Variants in ACSM2B observed in about 807,000 individuals in gnomAD.
ACSM2B encodes acyl-coenzyme A synthetase ACSM2B, mitochondrial.
Under a neutral mutation model 78.6 loss-of-function variants are expected in ACSM2B, and 58 were observed. The ratio of observed to expected loss-of-function variants is 0.74; its 90% CI spans 0.60 to 0.92. The LOEUF is 0.92. ACSM2B is among the 40% of genes least tolerant of loss of function. ACSM2B has a pLI of 0.00. For missense variants in ACSM2B, 688 were observed against 711.2 expected (o/e 0.97, Z 0.37); for synonymous variants, 257 against 256.8 (o/e 1.00, Z -0.01).
Position 20,561,177 on chromosome 16 carries a change from C to CA in ACSM2B, c.178-1731dup, listed in dbSNP as rs537828938. Among the ~76,000 whole-genome samples, 17 of 152,134 alleles carry CA rather than the reference C, an allele frequency of 1.1e-4. No homozygotes were observed. The East Asian group carries it at 2.1e-3, about 19-fold the overall frequency. On this transcript the variant is annotated intron_variant, in intron 2 of 13. Transcript: ENST00000329697. ...CATGCTAAGTGAAATTAGCCAGACA[C>CA]AAAAAACCAAATACTGTGTGATTTC...
intron 1 of ACSM2B, among the ~76,000 whole-genome samples, chr16:20,566,720 ATATACTATATATAG>A (rs2015887204): frequency 1.8e-5 from 1 of 56,088 alleles, no homozygotes; most frequent in African/African-American, 1.1e-4. Context: ...TATATATAGT[ATATACTATATATAG>A]TATATACTAT....
chr16:20,570,416 T>C (rs1287488775), intron 1 of ACSM2B, among the ~76,000 whole-genome samples: 3 of 152,044 alleles, frequency 2.0e-5, no homozygotes, highest in African/African-American at 7.2e-5. Flanking sequence ...GAAACCCACT[T>C]CATCATGGTG....
intron 2 of ACSM2B, among the ~76,000 whole-genome samples, chr16:20,561,409 CA>C (rs1340471185): frequency 1.3e-5 from 2 of 151,012 alleles, no homozygotes; most frequent in Non-Finnish European, 3.0e-5. Context: ...CATCACATGG[CA>C]AAAGCAGGAA....
chr16:20,561,463 C>T lies in ACSM2B; in HGVS notation c.178-2016G>A, dbSNP rs995273218. On this transcript the variant is annotated intron_variant, in intron 2 of 13. Coordinates refer to ENST00000329697, the MANE Select transcript of ACSM2B (RefSeq NM_001105069.2). ...GGAAGTGCCATGTATGTTAAAACAA[C>T]AAGATCTCTCATGAACTCACTCATA... is the stretch of plus-strand genomic sequence containing the variant. Among the ~76,000 whole-genome samples, 8 of 151,368 alleles carry T rather than the reference C, an allele frequency of 5.3e-5. No homozygotes were observed. The East Asian group carries it at 5.9e-4, about 11-fold the overall frequency.
intron 3 of ACSM2B, among the ~76,000 whole-genome samples, chr16:20,556,781 T>C (rs2015487321): frequency 6.6e-6 from 1 of 152,144 alleles, no homozygotes; most frequent in Non-Finnish European, 1.5e-5. Context: ...TTCTCTACCA[T>C]GGTGGTCAAT....
chr16:20,566,089 A>G (rs1052472784), intron 1 of ACSM2B, among the ~76,000 whole-genome samples: 1 of 143,260 alleles, frequency 7.0e-6, no homozygotes, highest in Admixed American at 7.1e-5. Context: ...CTATGTATGT[A>G]TTATATAGTA....
intron 1 of ACSM2B, among the ~76,000 whole-genome samples, chr16:20,565,903 T>A (rs1010009590): frequency 3.3e-5 from 5 of 151,894 alleles, no homozygotes; most frequent in Non-Finnish European, 5.9e-5. Flanking sequence ...CACTTATGGC[T>A]GAGAACATAT....
intron 1 of ACSM2B, among the ~76,000 whole-genome samples, chr16:20,569,965 T>A (rs1425499837): frequency 6.6e-6 from 1 of 151,718 alleles, no homozygotes; most frequent in Non-Finnish European, 1.5e-5. Context: ...TTTGGAGGAG[T>A]CTTTAAGGTC....
At chr16:20,549,271 C>G (rs893106467) in intron 6 of ACSM2B, among the ~76,000 whole-genome samples, 7 of 151,982 alleles carry the variant, frequency 4.6e-5, no homozygotes, top group African/African-American at 1.5e-4. Flanking sequence ...ACTGAGTACC[C>G]GAGACAGAGT....
intron 6 of ACSM2B, among the ~76,000 whole-genome samples, chr16:20,551,803 C>T (rs2015317654): frequency 1.3e-5 from 2 of 152,126 alleles, no homozygotes; most frequent in South Asian, 4.1e-4. Flanking sequence ...GAGATGGCAT[C>T]CCCTCCAATA....
At chr16:20,542,566 T>G (rs540147889) in intron 12 of ACSM2B, 4 of 282,142 alleles carry the variant, frequency 1.4e-5, no homozygotes, top group Admixed American at 4.7e-5. Flanking sequence ...AACATGGGAG[T>G]GTAGACATCT....
chr16:20,567,808 T>C (rs894055555), intron 1 of ACSM2B, among the ~76,000 whole-genome samples: 46 of 141,166 alleles, frequency 3.3e-4, no homozygotes, highest in African/African-American at 1.2e-3. Context: ...TATAATAGTA[T>C]GGTATGTATA....
intron 5 of ACSM2B, 135 bp downstream of exon 5, chr16:20,553,642 C>A: frequency 7.1e-7 from 1 of 1,399,238 alleles, no homozygotes; most frequent in Non-Finnish European, 9.6e-7. Flanking sequence ...GCCATGTCCT[C>A]TTTAGCTTTC....
In ACSM2B at chr16:20,540,851, A is replaced by G. The variant is rs1316389414; in HGVS notation, c.1510-78T>C. ...CCTGGAATAATGTGAAATTAGCATT[A>G]AGACTTGCATCACCCTTGTATCTAC... On this transcript the variant is annotated intron_variant, in intron 12 of 13. Coordinates refer to ENST00000329697, the MANE Select transcript of ACSM2B (RefSeq NM_001105069.2). 7 of 1,563,702 alleles carry G rather than the reference A, an allele frequency of 4.5e-6. No homozygotes were observed. In the African/African-American group the frequency reaches 6.8e-5, roughly 15 times the overall value.
Position 20,546,462 on chromosome 16 carries a change from T to G in ACSM2B, c.1111A>C (p.Met371Leu). ...YGQTETGLTC[M>L]VSKTMKIKPG... ...TTGATTTTCATTGTCTTGGAAACCA[T>G]GCAAGTTAATCCCTGTGGAAAGAAG... The change falls in exon 9 of 14, where the codon ATG becomes CTG. Residue 371 changes from methionine (M) to leucine (L), a missense_variant. By Grantham distance (15) the Met-to-Leu change is conservative. Transcript: ENST00000329697. The G allele has an allele frequency of 6.2e-7, 1 of 1,606,736 alleles. No homozygotes were observed. The highest frequency in any genetic ancestry group is 8.5e-7 in the Non-Finnish European group (1 of 1,175,750).
chr16:20,553,980 G>A, intron 4 of ACSM2B, 60 bp from the exon 5 acceptor site: 1 of 1,607,312 alleles, frequency 6.2e-7, no homozygotes, highest in Non-Finnish European at 8.5e-7. Context: ...ATATCAAAGT[G>A]ACCCATCTTT....
chr16:20,554,018 C>A (rs2015395387), intron 4 of ACSM2B, 98 bp from the exon 5 acceptor site: 1 of 1,440,842 alleles, frequency 6.9e-7, no homozygotes, highest in African/African-American at 1.4e-5. Context: ...CTGAAAAGGG[C>A]AAGTTGATGG....
At chr16:20,562,060 C>T (rs1258800332) in intron 2 of ACSM2B, among the ~76,000 whole-genome samples, 1 of 151,922 alleles carries the variant, frequency 6.6e-6, no homozygotes, top group Non-Finnish European at 1.5e-5. Flanking sequence ...CTTCCAACTA[C>T]TGTGAATAAA....
intron 10 of ACSM2B, chr16:20,544,439 T>A (rs1445793524): frequency 1.8e-6 from 1 of 552,238 alleles, no homozygotes; most frequent in African/African-American, 2.1e-5. Flanking sequence ...GAGTTGAAAG[T>A]TTAAATGAGT....
Sources: gnomAD v4.1 joint callset for allele counts (sites outside exome capture counted in the v4.1 genomes callset) on GRCh38, gnomAD v4.1.1 for gene constraint, MANE v1.5 for transcripts, NCBI Gene and HGNC (gene_info 2026-07-23, HGNC 2026-07-21) for gene names.